Variants in NRG3 observed in about 807,000 individuals in gnomAD.
NRG3 encodes the protein neuregulin 3, also known as pro-neuregulin-3, membrane-bound isoform.
In NRG3, 31 loss-of-function variants were observed where a neutral mutation model predicts 66.9. That is an observed-to-expected ratio of 0.46 (90% confidence interval 0.35 to 0.63). NRG3 has a LOEUF of 0.63. Ranked by LOEUF, NRG3 falls within the 20% of genes least tolerant of loss-of-function variation. NRG3 has a pLI of 0.00. For missense variants in NRG3, 910 were observed against 878.9 expected (o/e 1.04, Z -0.45); for synonymous variants, 393 against 359.4 (o/e 1.09, Z -1.06).
chr10:82,950,957 G>T (rs1320407973), intron 4 of NRG3, among the ~76,000 whole-genome samples: 2 of 152,164 alleles, frequency 1.3e-5, no homozygotes, highest in African/African-American at 4.8e-5. Context: ...ATACTTACGT[G>T]CCTATTGATT....
In NRG3 at chr10:81,890,243, C is replaced by A. The variant is rs373491442; in HGVS notation, c.823+14080C>A. Among the ~76,000 whole-genome samples the A allele has an allele frequency of 1.5e-3, 222 of 152,226 alleles. 6 individuals carry two copies. The South Asian group carries it at 0.034, about 23-fold the overall frequency. On this transcript the variant is annotated intron_variant, in intron 1 of 8. Coordinates refer to ENST00000372141, the MANE Select transcript of NRG3 (RefSeq NM_001010848.4). Reference sequence around the variant, plus strand: ...CTAGAATGGCAAGGAAGGGTTTAAGCCTTTCGGCTACTTGGATTGGCTAGA... The same window carrying A: ...CTAGAATGGCAAGGAAGGGTTTAAGACTTTCGGCTACTTGGATTGGCTAGA...
intron 2 of NRG3, among the ~76,000 whole-genome samples, chr10:82,542,796 CGTAA>C: frequency 6.6e-6 from 1 of 152,136 alleles, no homozygotes; most frequent in Non-Finnish European, 1.5e-5. Flanking sequence ...GGGCAATCTT[CGTAA>C]GTGTCAGGAA....
intron 2 of NRG3, among the ~76,000 whole-genome samples, chr10:82,471,719 G>A (rs1841284106): frequency 6.6e-6 from 1 of 152,006 alleles, no homozygotes; most frequent in Admixed American, 6.6e-5. Flanking sequence ...TGGCCAACAT[G>A]GTGAAACCCC....
intron 1 of NRG3, among the ~76,000 whole-genome samples, chr10:82,039,428 G>A (rs376424290): frequency 1.3e-4 from 20 of 152,182 alleles, no homozygotes; most frequent in East Asian, 9.7e-4. Context: ...TTACAGTGCC[G>A]CATTGGGGAT....
At chr10:82,333,978 A>T (rs937454000) in intron 1 of NRG3, among the ~76,000 whole-genome samples, 1 of 151,992 alleles carries the variant, frequency 6.6e-6, no homozygotes, top group African/African-American at 2.4e-5. Flanking sequence ...TCACGAGGTC[A>T]GGAGATGGAG....
intron 3 of NRG3, among the ~76,000 whole-genome samples, chr10:82,742,661 C>A (rs989753074): frequency 6.6e-6 from 1 of 152,040 alleles, no homozygotes; most frequent in Non-Finnish European, 1.5e-5. Context: ...GTGGAGGAGC[C>A]GGCATCAGCT....
chr10:82,900,887 T>G (rs975111708), intron 4 of NRG3, among the ~76,000 whole-genome samples: 37 of 152,230 alleles, frequency 2.4e-4, no homozygotes, highest in African/African-American at 8.9e-4. Context: ...GATTTTGCCT[T>G]CGTTTTGCTT....
intron 1 of NRG3, among the ~76,000 whole-genome samples, chr10:81,975,336 T>C (rs953809868): frequency 1.3e-5 from 2 of 151,510 alleles, no homozygotes; most frequent in African/African-American, 4.9e-5. Flanking sequence ...TATCTATCTA[T>C]CTATCTATCT....
chr10:82,079,640 C>T (rs1263971689), intron 1 of NRG3, among the ~76,000 whole-genome samples: 1 of 152,206 alleles, frequency 6.6e-6, no homozygotes, highest in African/African-American at 2.4e-5. Flanking sequence ...TCTCCACCCC[C>T]AAACCCCTGG....
At chr10:81,935,421 T>G (rs137918089) in intron 1 of NRG3, among the ~76,000 whole-genome samples, 2 of 152,280 alleles carry the variant, frequency 1.3e-5, no homozygotes, top group African/African-American at 4.8e-5. Context: ...AATGCATTTA[T>G]TGTATAAGGA....
chr10:82,411,499 A>G (rs1169022593), intron 2 of NRG3, among the ~76,000 whole-genome samples: 1 of 152,098 alleles, frequency 6.6e-6, no homozygotes, highest in Non-Finnish European at 1.5e-5. Flanking sequence ...TCAAACATCA[A>G]ATGAAGGCAT....
intron 1 of NRG3, among the ~76,000 whole-genome samples, chr10:81,885,862 T>A (rs1052945543): frequency 6.6e-6 from 1 of 152,138 alleles, no homozygotes; most frequent in Non-Finnish European, 1.5e-5. Flanking sequence ...CCAAAGCTTT[T>A]TTCAGCATGG....
At chr10:82,450,729 G>A (rs1313573983) in intron 2 of NRG3, among the ~76,000 whole-genome samples, 1 of 152,020 alleles carries the variant, frequency 6.6e-6, no homozygotes, top group African/African-American at 2.4e-5. Flanking sequence ...ATTTAACTTG[G>A]TCAACACAAA....
At chr10:82,645,330 AC>A (rs1284840864) in intron 2 of NRG3, among the ~76,000 whole-genome samples, 1 of 152,188 alleles carries the variant, frequency 6.6e-6, no homozygotes, top group African/African-American at 2.4e-5. Flanking sequence ...AGATCAAAAT[AC>A]CAGATCAAGT....
intron 1 of NRG3, among the ~76,000 whole-genome samples, chr10:82,309,136 A>G (rs1383023827): frequency 6.6e-6 from 1 of 152,176 alleles, no homozygotes; most frequent in East Asian, 1.9e-4. Context: ...TCCATCATTA[A>G]TTCCTAAGAT....
intron 2 of NRG3, among the ~76,000 whole-genome samples, chr10:82,636,831 TGTGA>T (rs889290328): frequency 4.0e-5 from 6 of 151,840 alleles, no homozygotes; most frequent in South Asian, 2.1e-4. Flanking sequence ...TGTGTGTGTG[TGTGA>T]GAGAGAGAGT....
At chr10:81,884,038 A>T (rs1338876610) in intron 1 of NRG3, among the ~76,000 whole-genome samples, 4 of 152,222 alleles carry the variant, frequency 2.6e-5, no homozygotes, top group Non-Finnish European at 5.9e-5. Context: ...CCTGCAGCCT[A>T]GGTTTGATTA....
chr10:82,172,725 T>C (rs1213696844), intron 1 of NRG3, among the ~76,000 whole-genome samples: 1 of 152,094 alleles, frequency 6.6e-6, no homozygotes, highest in Non-Finnish European at 1.5e-5. Context: ...GGTCTCCTCA[T>C]TCTAACTTCC....
intron 1 of NRG3, among the ~76,000 whole-genome samples, chr10:82,327,169 A>C (rs182762223): frequency 6.6e-6 from 1 of 152,300 alleles, no homozygotes; most frequent in African/African-American, 2.4e-5. Context: ...GGATCCTAGA[A>C]TCTTAGACTC....
Sources: allele counts gnomAD v4.1 joint callset (sites outside exome capture counted in the v4.1 genomes callset), GRCh38; gene constraint gnomAD v4.1.1; transcripts MANE v1.5; gene names NCBI Gene and HGNC (gene_info 2026-07-23, HGNC 2026-07-21).